CSMD1: variants seen among roughly 807,000 people sequenced by gnomAD.
The protein encoded by CSMD1 is CUB and sushi domain-containing protein 1.
In CSMD1, 213 loss-of-function variants were observed where a neutral mutation model predicts 417.5. That is an observed-to-expected ratio of 0.51 (90% CI 0.46 to 0.57). CSMD1 has a LOEUF of 0.57. Among genes scored for constraint, CSMD1 ranks in the 20% least tolerant of loss-of-function variants. The probability of loss-of-function intolerance (pLI) is 0.00; values close to 1 mark genes in which losing one functional copy is unlikely to be tolerated. For missense variants in CSMD1, 6,923 were observed against 4,529.7 expected, an observed-to-expected ratio of 1.53 and a Z score of -15.17; for synonymous variants, 2,862 against 1,736.8, an observed-to-expected ratio of 1.65 and a Z score of -16.11.
chr8:3,211,376 A>C (rs1198759899), intron 30 of CSMD1, among the ~76,000 whole-genome samples: 1 of 152,124 alleles, frequency 6.6e-6, no homozygotes, highest in Non-Finnish European at 1.5e-5. Context: ...GTCTGTGTTC[A>C]TGTAGTAATT....
chr8:3,926,631 A>G (rs1046007612), intron 5 of CSMD1, among the ~76,000 whole-genome samples: 1 of 151,622 alleles, frequency 6.6e-6, no homozygotes, highest in Non-Finnish European at 1.5e-5. Flanking sequence ...TATGAAAAGC[A>G]TATTATTAGA....
At chr8:4,293,265 C>G (rs928891470) in intron 3 of CSMD1, among the ~76,000 whole-genome samples, 1 of 152,110 alleles carries the variant, frequency 6.6e-6, no homozygotes, top group East Asian at 1.9e-4. Context: ...AGAGACACAA[C>G]AAGGAAGCTT....
chr8:3,482,593 A>C (rs1817810377), intron 11 of CSMD1, among the ~76,000 whole-genome samples: 7 of 152,248 alleles, frequency 4.6e-5, no homozygotes, highest in Admixed American at 4.6e-4. Context: ...CACCCTTAGC[A>C]AACAGGCAGA....
chr8:3,723,889 T>G (rs534400629), intron 6 of CSMD1, among the ~76,000 whole-genome samples: 1 of 152,320 alleles, frequency 6.6e-6, no homozygotes, highest in South Asian at 2.1e-4. Flanking sequence ...TATAATAAAG[T>G]GCAAAAAGTT....
rs1800112826 is a variant in CSMD1 at position 3,796,267 on chromosome 8, A to ATCTATCAT, written c.819-42226_819-42225insATGATAGA. ...ATATATATCTATCATGTATAGATAT[A>ATCTATCAT]GATATATATCTATCATGTATAGATA... On this transcript the variant is annotated intron_variant, in intron 5 of 69. Coordinates refer to ENST00000635120, the MANE Select transcript of CSMD1 (RefSeq NM_033225.6). 6.1e-5 allele frequency among the ~76,000 whole-genome samples: 3 copies of ATCTATCAT among 49,400 alleles called. No homozygotes were observed. The Admixed American group carries it at 7.1e-4, about 12-fold the overall frequency. The allele number at this position is 49,400 out of a possible 152,430, so 32.4% of individuals were successfully genotyped here.
chr8:4,096,351 T>G (rs1801010794), intron 3 of CSMD1, among the ~76,000 whole-genome samples: 1 of 152,126 alleles, frequency 6.6e-6, no homozygotes, highest in Non-Finnish European at 1.5e-5. Flanking sequence ...AGCTTGGATT[T>G]CCATATGGGG....
At chr8:3,420,540 G>A (rs1813423430) in intron 12 of CSMD1, among the ~76,000 whole-genome samples, 1 of 149,686 alleles carries the variant, frequency 6.7e-6, no homozygotes, top group Admixed American at 7.0e-5. Context: ...GAAACTGGCT[G>A]TGGGGTGGAC....
intron 7 of CSMD1, among the ~76,000 whole-genome samples, chr8:3,649,531 C>A (rs1035378366): frequency 2.0e-5 from 3 of 152,082 alleles, no homozygotes; most frequent in African/African-American, 4.8e-5. Flanking sequence ...AAGCAAGGCA[C>A]CTTCTTCACA....
rs892507480 is a variant in CSMD1, at chr8:4,628,200, A to G, written c.302+9142T>C. Among the ~76,000 whole-genome samples the G allele has an allele frequency of 2.0e-5, 3 of 151,452 alleles. No individual in the cohort carries two copies. The Admixed American group carries it at 2.0e-4, about 10-fold the overall frequency. ...AAAATTTTTCTTGCAGTTCTATGTTAACATTTTCTTGTAGTTCTAAAAGTG... is the reference window on the plus strand; with the variant it reads ...AAAATTTTTCTTGCAGTTCTATGTTGACATTTTCTTGTAGTTCTAAAAGTG... On this transcript the variant is annotated intron_variant, in intron 2 of 69. Coordinates refer to ENST00000635120, the MANE Select transcript of CSMD1 (RefSeq NM_033225.6).
At chr8:4,033,657 C>T (rs1797472371) in intron 3 of CSMD1, among the ~76,000 whole-genome samples, 1 of 152,156 alleles carries the variant, frequency 6.6e-6, no homozygotes, top group Admixed American at 6.5e-5. Flanking sequence ...CGTCATGGGC[C>T]ACTGATGACT....
chr8:4,726,359 TCAC>T (rs1809445724), intron 1 of CSMD1, among the ~76,000 whole-genome samples: 1 of 152,078 alleles, frequency 6.6e-6, no homozygotes, highest in Admixed American at 6.6e-5. Flanking sequence ...ATAGTTATTA[TCAC>T]CAAAAGCTTT....
intron 3 of CSMD1, among the ~76,000 whole-genome samples, chr8:4,286,966 A>G (rs1563391954): frequency 6.6e-6 from 1 of 152,218 alleles, no homozygotes; most frequent in African/African-American, 2.4e-5. Flanking sequence ...AGGCAGCTGA[A>G]GGAGGCTGAC....
At chr8:3,836,476 G>A (rs1357914583) in intron 5 of CSMD1, among the ~76,000 whole-genome samples, 1 of 152,140 alleles carries the variant, frequency 6.6e-6, no homozygotes, top group African/African-American at 2.4e-5. Context: ...AGGAGATGTA[G>A]CAGAGATTGT....
intron 5 of CSMD1, among the ~76,000 whole-genome samples, chr8:3,979,863 T>C (rs968214219): frequency 6.6e-6 from 1 of 152,232 alleles, no homozygotes; most frequent in Non-Finnish European, 1.5e-5. Context: ...GAGCTATTTA[T>C]ACTGTAGACA....
chr8:4,797,256 G>A (rs1403909267), intron 1 of CSMD1, among the ~76,000 whole-genome samples: 2 of 152,174 alleles, frequency 1.3e-5, no homozygotes, highest in Non-Finnish European at 1.5e-5. Context: ...ACTATGCATG[G>A]TGAGTTTTAA....
At chr8:4,270,852 T>G (rs2128851274) in intron 3 of CSMD1, among the ~76,000 whole-genome samples, 1 of 152,272 alleles carries the variant, frequency 6.6e-6, no homozygotes, top group South Asian at 2.1e-4. Flanking sequence ...ACTTACTCAC[T>G]GATGCTTGAA....
intron 23 of CSMD1, among the ~76,000 whole-genome samples, chr8:3,318,657 G>A (rs999151597): frequency 1.3e-5 from 2 of 152,194 alleles, no homozygotes; most frequent in Non-Finnish European, 2.9e-5. Flanking sequence ...TTTAATTGGA[G>A]GTATTATAGC....
chr8:3,386,249 G>A (rs1810996255), intron 18 of CSMD1, among the ~76,000 whole-genome samples: 1 of 152,150 alleles, frequency 6.6e-6, no homozygotes, highest in African/African-American at 2.4e-5. Flanking sequence ...TTCACCTGGG[G>A]GGCTCACCCC....
chr8:3,785,678 T>G (rs548071433), intron 5 of CSMD1, among the ~76,000 whole-genome samples: 4 of 152,244 alleles, frequency 2.6e-5, no homozygotes, highest in African/African-American at 7.2e-5. Flanking sequence ...AGGGTGAGTG[T>G]GGGCTGTGTG....
Sources: gnomAD v4.1 joint callset for allele counts (sites outside exome capture counted in the v4.1 genomes callset) on GRCh38, gnomAD v4.1.1 for gene constraint, MANE v1.5 for transcripts, NCBI Gene and HGNC (gene_info 2026-07-23, HGNC 2026-07-21) for gene names.